The following XKR9 variants were observed in gnomAD, a reference collection of about 807,000 sequenced individuals.
XKR9 encodes XK-related protein 9.
In XKR9, 32 loss-of-function variants were observed where a neutral mutation model predicts 32.0. The observed-to-expected ratio is 1.00, with a 90% confidence interval of 0.76 to 1.34. The LOEUF (loss-of-function observed/expected upper bound fraction) is 1.34, where lower values mean the gene tolerates loss of function less well. Among genes scored for constraint, XKR9 ranks in the 40% most tolerant of loss-of-function variants. XKR9 has a pLI of 0.00. For missense variants in XKR9, 546 were observed against 429.7 expected, an observed-to-expected ratio of 1.27 and a Z score of -2.39; for synonymous variants, 168 against 143.4, an observed-to-expected ratio of 1.17 and a Z score of -1.22.
chr8:70,987,488 A>T, the XKR9 span, among the ~76,000 whole-genome samples: 1 of 152,232 alleles, frequency 6.6e-6, no homozygotes, highest in Non-Finnish European at 1.5e-5. Flanking sequence ...TAAAGCTCCA[A>T]ATGATCTCCT....
At chr8:71,005,225 C>CCT in the XKR9 span, among the ~76,000 whole-genome samples, 1 of 130,348 alleles carries the variant, frequency 7.7e-6, no homozygotes, top group Non-Finnish European at 1.6e-5. Flanking sequence ...TTTTCTTTTT[C>CCT]TTTTTTTTTT....
chr8:70,967,065 C>CTTTTTTTTTTTT, the XKR9 span, among the ~76,000 whole-genome samples: 447 of 101,198 alleles, frequency 4.4e-3, 71 homozygotes, highest in African/African-American at 0.018. Flanking sequence ...GATCTTGACT[C>CTTTTTTTTTTTT]TTTTTTTTTT....
chr8:70,797,192 G>C, the XKR9 span, among the ~76,000 whole-genome samples: 1 of 152,068 alleles, frequency 6.6e-6, no homozygotes, highest in Non-Finnish European at 1.5e-5. Flanking sequence ...TGAGGTAACA[G>C]TCAGAGTGAG....
chr8:70,977,868 C>T, the XKR9 span, among the ~76,000 whole-genome samples: 2 of 152,130 alleles, frequency 1.3e-5, no homozygotes, highest in Non-Finnish European at 2.9e-5. Flanking sequence ...GTGTGGGAGT[C>T]TAATTCTCTT....
chr8:70,940,405 T>G, the XKR9 span, among the ~76,000 whole-genome samples: 7 of 152,100 alleles, frequency 4.6e-5, no homozygotes, highest in East Asian at 1.9e-4. Flanking sequence ...TCAGACACAT[T>G]GGTTTGAATC....
At chr8:70,724,930 G>C (rs1806411686) in intron 4 of XKR9, among the ~76,000 whole-genome samples, 1 of 152,162 alleles carries the variant, frequency 6.6e-6, no homozygotes, top group Admixed American at 6.5e-5. Flanking sequence ...AAAGCTGGCT[G>C]AGATTGGGTA....
chr8:70,892,821 C>A, the XKR9 span, among the ~76,000 whole-genome samples: 1 of 152,044 alleles, frequency 6.6e-6, no homozygotes, highest in Non-Finnish European at 1.5e-5. Flanking sequence ...AAGGAGGTCC[C>A]TTTGGGGTTG....
chr8:70,845,460 A>G, the XKR9 span, among the ~76,000 whole-genome samples: 1 of 152,248 alleles, frequency 6.6e-6, no homozygotes, highest in African/African-American at 2.4e-5. Context: ...ATTTATAAAA[A>G]TGTGGAAAAA....
the XKR9 span, among the ~76,000 whole-genome samples, chr8:71,063,404 T>C: frequency 2.5e-4 from 38 of 152,250 alleles, no homozygotes; most frequent in African/African-American, 8.4e-4. Context: ...GTCATATTTG[T>C]CATCTATCTG....
chr8:70,900,118 CT>C, the XKR9 span, among the ~76,000 whole-genome samples: 12,698 of 150,910 alleles, frequency 0.084, 603 homozygotes, highest in African/African-American at 0.097. Context: ...AAAAATTAGT[CT>C]TTTTTTTTCT....
chr8:70,895,129 TG>T, the XKR9 span, among the ~76,000 whole-genome samples: 1 of 152,090 alleles, frequency 6.6e-6, no homozygotes, highest in African/African-American at 2.4e-5. Context: ...GTGTCCAATG[TG>T]TTGATGGGGG....
At chr8:70,846,609 T>A in the XKR9 span, among the ~76,000 whole-genome samples, 1 of 151,972 alleles carries the variant, frequency 6.6e-6, no homozygotes, top group Non-Finnish European at 1.5e-5. Flanking sequence ...AAAAAACCCA[T>A]GACCTGACTA....
the XKR9 span, among the ~76,000 whole-genome samples, chr8:70,884,924 G>A: frequency 0.022 from 3,320 of 152,086 alleles, 52 homozygotes; most frequent in Non-Finnish European, 0.035. Context: ...TAGTTTTCTG[G>A]GATTTTGATT....
downstream of XKR9, among the ~76,000 whole-genome samples, chr8:70,791,324 AG>A (rs1173423512): frequency 6.6e-6 from 1 of 151,978 alleles, no homozygotes; most frequent in African/African-American, 2.4e-5. Flanking sequence ...AAAAAAAAAA[AG>A]AATGGGTCTT....
chr8:70,736,586 A>C (rs1365278279), downstream of XKR9, among the ~76,000 whole-genome samples: 1 of 151,912 alleles, frequency 6.6e-6, no homozygotes, highest in South Asian at 2.1e-4. Context: ...TCTTCTAGGG[A>C]TTTTATGGTT....
the XKR9 span, among the ~76,000 whole-genome samples, chr8:71,051,176 A>C: frequency 2.0e-5 from 3 of 151,936 alleles, no homozygotes; most frequent in Admixed American, 2.0e-4. Context: ...TAATTCTTCA[A>C]TGGGCTTACT....
intron 3 of XKR9, among the ~76,000 whole-genome samples, chr8:70,703,775 G>A (rs921309073): frequency 2.6e-5 from 4 of 152,128 alleles, no homozygotes; most frequent in Non-Finnish European, 5.9e-5. Context: ...CTGGAAGCTG[G>A]TGGCTTTTTG....
At chr8:71,044,135 A>G in the XKR9 span, among the ~76,000 whole-genome samples, 7 of 152,218 alleles carry the variant, frequency 4.6e-5, no homozygotes, top group Admixed American at 2.0e-4. Context: ...TTATGCCTCT[A>G]GGGGTAATTT....
chr8:70,968,448 C>T, the XKR9 span, among the ~76,000 whole-genome samples: 1 of 152,318 alleles, frequency 6.6e-6, no homozygotes, highest in East Asian at 1.9e-4. Context: ...CCATTTTAGC[C>T]ATCTCAGCCT....
Sources: gnomAD v4.1 joint callset for allele counts (sites outside exome capture counted in the v4.1 genomes callset) on GRCh38, gnomAD v4.1.1 for gene constraint, MANE v1.5 for transcripts, NCBI Gene and HGNC (gene_info 2026-07-23, HGNC 2026-07-21) for gene names.